The following KCNC2 variants were observed in gnomAD, a reference collection of about 807,000 sequenced individuals.
KCNC2 encodes the protein voltage-gated potassium channel KCNC2.
Under a neutral mutation model 44.5 loss-of-function variants are expected in KCNC2, and 21 were observed. The observed-to-expected ratio is 0.47, with a 90% CI of 0.33 to 0.68. The LOEUF (loss-of-function observed/expected upper bound fraction) is 0.68. Ranked by LOEUF, KCNC2 falls within the 30% of genes least tolerant of loss-of-function variation. The pLI, the probability that KCNC2 is intolerant of heterozygous loss-of-function variation, is 0.01. For synonymous variants in KCNC2, 391 were observed against 339.1 expected (o/e 1.15, Z -1.68); for missense variants, 589 against 826.2 (o/e 0.71, Z 3.52).
intron 4 of KCNC2, chr12:75,043,943 C>T (rs1880199524): frequency 9.6e-6 from 5 of 518,550 alleles, no homozygotes; most frequent in Non-Finnish European, 1.7e-5. Flanking sequence ...GACCTTCCCA[C>T]CCAGGAATTG....
intron 2 of KCNC2, among the ~76,000 whole-genome samples, chr12:75,190,785 G>A (rs531165466): frequency 6.6e-6 from 1 of 152,094 alleles, no homozygotes. Flanking sequence ...AAAAGCAGTA[G>A]TAGCAATTAA....
intron 2 of KCNC2, among the ~76,000 whole-genome samples, chr12:75,136,259 TA>T (rs1226391653): frequency 6.6e-6 from 1 of 151,790 alleles, no homozygotes; most frequent in Non-Finnish European, 1.5e-5. Flanking sequence ...ATCAGTAACC[TA>T]ATACTGCACC....
chr12:75,142,628 A>G (rs1889734628), intron 2 of KCNC2, among the ~76,000 whole-genome samples: 1 of 152,196 alleles, frequency 6.6e-6, no homozygotes, highest in Non-Finnish European at 1.5e-5. Flanking sequence ...GTTCCAGAAG[A>G]TTCACTCATG....
At chr12:75,154,041 A>G (rs936868633) in intron 2 of KCNC2, among the ~76,000 whole-genome samples, 7 of 152,034 alleles carry the variant, frequency 4.6e-5, no homozygotes, top group African/African-American at 1.4e-4. Context: ...ACATTGTTCA[A>G]GAGTCAACTA....
At chr12:75,069,160 A>ATTT (rs1592797445) in intron 2 of KCNC2, among the ~76,000 whole-genome samples, 2 of 10,366 alleles carry the variant, frequency 1.9e-4, no homozygotes, top group African/African-American at 4.5e-4. Context: ...TTGAGACGGA[A>ATTT]TTTCACTCTT....
intron 2 of KCNC2, among the ~76,000 whole-genome samples, chr12:75,073,163 T>C (rs1883589088): frequency 6.6e-6 from 1 of 152,314 alleles, no homozygotes; most frequent in Non-Finnish European, 1.5e-5. Flanking sequence ...TCAGTCTAAG[T>C]GTATAATGTC....
At chr12:75,101,337 A>G (rs1348097623) in intron 2 of KCNC2, among the ~76,000 whole-genome samples, 3 of 152,084 alleles carry the variant, frequency 2.0e-5, no homozygotes, top group Admixed American at 6.6e-5. Flanking sequence ...AGATGTGCTA[A>G]TTCATTCTAG....
chr12:75,182,620 C>G (rs1321578022), intron 2 of KCNC2, among the ~76,000 whole-genome samples: 2 of 151,430 alleles, frequency 1.3e-5, no homozygotes, highest in African/African-American at 4.9e-5. Context: ...TACTCAAAAC[C>G]TTGAGGGCCA....
At chr12:75,068,513 A>G (rs1478877408) in intron 2 of KCNC2, among the ~76,000 whole-genome samples, 3 of 152,218 alleles carry the variant, frequency 2.0e-5, no homozygotes, top group African/African-American at 7.2e-5. Flanking sequence ...AAGTAGGTTA[A>G]TAATTTATAC....
chr12:75,094,169 A>G (rs548128984), intron 2 of KCNC2, among the ~76,000 whole-genome samples: 11 of 151,790 alleles, frequency 7.2e-5, no homozygotes, highest in African/African-American at 2.6e-4. Flanking sequence ...GTTAAATATG[A>G]TTCTCTTTTA....
Position 75,042,935 on chromosome 12 carries a change from A to T in KCNC2, c.*170T>A. ...AGACAATCTTTAAAGCCTGGGTAAG[A>T]TTCATTAGCTACCCAAGTGGCATTT... On this transcript the variant is annotated 3_prime_UTR_variant, in exon 5 of 5. Transcript: ENST00000549446. The T allele has an allele frequency of 7.1e-7, 1 of 1,406,364 alleles. No individual in the cohort carries two copies. The highest frequency in any genetic ancestry group is 9.2e-7 in the Non-Finnish European group (1 of 1,082,242). The allele number at this position is 1,406,364 out of a possible 1,614,324, so 87.1% of individuals were successfully genotyped here.
chr12:75,166,554 A>G (rs536057233), intron 2 of KCNC2, among the ~76,000 whole-genome samples: 9 of 151,288 alleles, frequency 5.9e-5, no homozygotes, highest in South Asian at 2.1e-4. Context: ...GTTATATCAT[A>G]TGGTAGAGGA....
chr12:75,188,834 G>A (rs981456971), intron 2 of KCNC2, among the ~76,000 whole-genome samples: 1 of 151,424 alleles, frequency 6.6e-6, no homozygotes, highest in African/African-American at 2.4e-5. Context: ...ACTCACTGCA[G>A]CCTGGTGACA....
chr12:75,065,618 A>G (rs1391656230), intron 2 of KCNC2, among the ~76,000 whole-genome samples: 3 of 152,064 alleles, frequency 2.0e-5, no homozygotes, highest in Admixed American at 6.6e-5. Context: ...TGCCTACAGT[A>G]TTCAATACAA....
intron 2 of KCNC2, among the ~76,000 whole-genome samples, chr12:75,112,426 C>T (rs964635122): frequency 2.0e-5 from 3 of 151,936 alleles, no homozygotes; most frequent in African/African-American, 7.2e-5. Context: ...TTTCTTAACT[C>T]TTCCTACAAT....
intron 2 of KCNC2, among the ~76,000 whole-genome samples, chr12:75,192,583 T>A (rs898686561): frequency 3.3e-5 from 5 of 152,242 alleles, no homozygotes; most frequent in African/African-American, 1.2e-4. Context: ...ATTTTTCATT[T>A]ACTGTTAGTC....
intron 2 of KCNC2, among the ~76,000 whole-genome samples, chr12:75,088,134 ACTAT>A (rs1885178341): frequency 1.3e-5 from 2 of 152,042 alleles, no homozygotes; most frequent in Admixed American, 6.6e-5. Context: ...GGTTTAAAAA[ACTAT>A]CTATTTTAGG....
intron 2 of KCNC2, among the ~76,000 whole-genome samples, chr12:75,093,043 C>T (rs1198183542): frequency 1.3e-5 from 2 of 149,108 alleles, no homozygotes; most frequent in Non-Finnish European, 3.0e-5. Context: ...GTTCGAGTAG[C>T]TATCTGTTTC....
At chr12:75,118,166 A>G (rs1887808975) in intron 2 of KCNC2, among the ~76,000 whole-genome samples, 1 of 152,134 alleles carries the variant, frequency 6.6e-6, no homozygotes, top group South Asian at 2.1e-4. Context: ...ACAAATCAAG[A>G]AGCCAAGTCT....
Sources: gnomAD v4.1 joint callset for allele counts (sites outside exome capture counted in the v4.1 genomes callset) on GRCh38, gnomAD v4.1.1 for gene constraint, MANE v1.5 for transcripts, NCBI Gene and HGNC (gene_info 2026-07-23, HGNC 2026-07-21) for gene names.